Variants in CLUH observed in about 807,000 individuals in gnomAD.
CLUH encodes CLUH binding protein of NUMT mRNA.
A neutral mutation model predicts 139.3 loss-of-function variants in CLUH; 77 were observed. The ratio of observed to expected loss-of-function variants is 0.55; its 90% CI spans 0.46 to 0.67. CLUH has a LOEUF of 0.67. CLUH is among the 30% of genes least tolerant of loss of function. The pLI is 0.00. For synonymous variants in CLUH, 999 were observed against 801.6 expected, an observed-to-expected ratio of 1.25 and a Z score of -4.16; for missense variants, 1,876 against 1,875.8, an observed-to-expected ratio of 1.00 and a Z score of 0.00.
At chr17:2,701,111 G>A in intron 7 of CLUH, 29 bp downstream of exon 7, 1 of 1,613,472 alleles carries the variant, frequency 6.2e-7, no homozygotes, top group Non-Finnish European at 8.5e-7. Context: ...TGTGCCATGA[G>A]ACAAGGCGGG....
In CLUH at chr17:2,698,369, C is replaced by T. The variant is rs199687141; in HGVS notation, c.1488G>A (p.Thr496=). 1,867 of 1,613,192 alleles carry T rather than the reference C, an allele frequency of 1.2e-3. 2 individuals are homozygous for T. The highest frequency in any genetic ancestry group is 1.5e-3 in the Non-Finnish European group (1,771 of 1,179,734). ...GCCCCTCCACGTCCACCGCGTTGTA[C>T]GTGCGGACGCCATTCAGGTCGTTGG... The part of the protein sequence containing the change: ...APTNDLNGVR[T]YNAVDVEGLY... The change falls in exon 10 of 26, where the codon ACG becomes ACA. Residue 496 remains threonine, a synonymous_variant. Coordinates refer to ENST00000651024, the MANE Select transcript of CLUH (RefSeq NM_001366661.1).
chr17:2,710,261 GC>G (rs1200252495), intron 1 of CLUH, among the ~76,000 whole-genome samples: 2 of 152,240 alleles, frequency 1.3e-5, no homozygotes, highest in Non-Finnish European at 2.9e-5. Flanking sequence ...CTGATTCAGA[GC>G]CACATCAGCA....
At chr17:2,694,457 G>T in intron 17 of CLUH, 23 bp downstream of exon 17, 1 of 1,124,928 alleles carries the variant, frequency 8.9e-7, no homozygotes, top group Non-Finnish European at 1.3e-6. Flanking sequence ...GGACACAGCG[G>T]GGATGCTGTG....
chr17:2,691,532 G>A (rs2069632582), intron 25 of CLUH, 77 bp downstream of exon 25: 63 of 1,454,138 alleles, frequency 4.3e-5, no homozygotes, highest in Non-Finnish European at 6.0e-5. Flanking sequence ...CCGCACTCCA[G>A]CCCGGGTGAC....
At chr17:2,702,679 C>T (rs2070226792) in intron 3 of CLUH, among the ~76,000 whole-genome samples, 1 of 152,198 alleles carries the variant, frequency 6.6e-6, no homozygotes. Context: ...CCGGATGGCA[C>T]CTCCCCGTGC....
chr17:2,696,601 C>T, intron 11 of CLUH, 63 bp from the exon 12 acceptor site: 1 of 1,530,628 alleles, frequency 6.5e-7, no homozygotes, highest in Admixed American at 1.9e-5. Context: ...TGGGCTGCGC[C>T]AAGCCTCGCC....
upstream of CLUH, chr17:2,711,831 GC>G: frequency 6.0e-6 from 1 of 166,194 alleles, no homozygotes; most frequent in Non-Finnish European, 1.2e-5. Flanking sequence ...CTCGCGCCCG[GC>G]CCAGCCCACG....
chr17:2,692,920 C>A, intron 19 of CLUH, 60 bp from the exon 20 acceptor site: 1 of 1,482,244 alleles, frequency 6.7e-7, no homozygotes, highest in Non-Finnish European at 9.0e-7. Flanking sequence ...CCAGAGCCCG[C>A]CTGGCCCCGG....
chr17:2,690,339 C>T lies in CLUH; in HGVS notation c.*255G>A, dbSNP rs1237661005. 2.4e-6 allele frequency: 1 copy of T among 412,404 alleles called. No individual in the cohort carries two copies. Among genetic ancestry groups the T allele is most frequent in the Admixed American group, 4.4e-5 (1 of 22,546 alleles). The allele number at this position is 412,404 out of a possible 1,614,324, so 25.5% of individuals were successfully genotyped here. ...GCCGAAGCAACACCTGCCCCCCAGC[C>T]GGGAACTGATGGCCGCACACGCCAT... On this transcript the variant is annotated 3_prime_UTR_variant, in exon 26 of 26. Coordinates refer to ENST00000651024, the MANE Select transcript of CLUH (RefSeq NM_001366661.1).
At chr17:2,691,956 G>GCCCCCGCCCCGCCCCGCCCCCGC (rs762374288) in intron 23 of CLUH, 48 bp downstream of exon 23, 1 of 434,090 alleles carries the variant, frequency 2.3e-6, no homozygotes, top group Non-Finnish European at 3.1e-6. Flanking sequence ...CCCCCGCCCC[G>GCCCCCGCCCCGCCCCGCCCCCGC]CCACGCCCCC....
intron 1 of CLUH, among the ~76,000 whole-genome samples, chr17:2,708,462 C>T (rs1267801978): frequency 6.6e-6 from 1 of 152,092 alleles, no homozygotes; most frequent in African/African-American, 2.4e-5. Flanking sequence ...GCCCAGCCCA[C>T]GGCAGCTCCC....
At chr17:2,691,966 C>CCGT (rs1555529473) in intron 23 of CLUH, 38 bp downstream of exon 23, 1 of 675,258 alleles carries the variant, frequency 1.5e-6, no homozygotes. Context: ...GCCACGCCCC[C>CCGT]GCCCCGCCCC....
In CLUH at chr17:2,696,414, G is replaced by A. The variant is rs777149933; in HGVS notation, c.2290+20C>T. The A allele has an allele frequency of 1.9e-5, 30 of 1,563,986 alleles. No homozygotes were observed. Among genetic ancestry groups the A allele is most frequent in the Non-Finnish European group, 2.3e-5 (26 of 1,154,920 alleles). On this transcript the variant is annotated intron_variant, in intron 12 of 25. Transcript: ENST00000651024. ...TCTGGCCCTGGAGGGCTCCTGCGCT[G>A]GCCGGCCCCCACCACCTGCCTGGTG... is the stretch of plus-strand genomic sequence containing the variant.
rs5818873 is a variant in CLUH, at chr17:2,691,921, GCCC to G, written c.3655-29_3655-27del. ...CTGCGGGGAGGCGGGAAGGGATCAG[GCCC>G]CCCCGTGCCCCCGCGGCCCCGCCCC... is the stretch of plus-strand genomic sequence containing the variant. On this transcript the variant is annotated intron_variant, in intron 23 of 25. Transcript: ENST00000651024. 4.1e-4 allele frequency: 588 copies of G among 1,437,572 alleles called. 19 individuals carry two copies. The South Asian group carries it at 5.9e-3, about 15-fold the overall frequency. The allele number at this position is 1,437,572 out of a possible 1,614,324, so 89.1% of individuals were successfully genotyped here. A position where few individuals can be genotyped will look rare whatever the true frequency, so the allele number is the denominator to read the frequency against.
At chr17:2,694,417 TGCAGCAGGGAC>T (rs1466468421) in intron 17 of CLUH, 52 bp downstream of exon 17, 299,245 of 1,479,120 alleles carry the variant, frequency 0.2, 32,336 homozygotes, top group Middle Eastern at 0.23. Flanking sequence ...AGTGGGAGCC[TGCAGCAGGGAC>T]GCAGCGGGGA....
Position 2,707,954 on chromosome 17 carries a change from C to T in CLUH, c.101-3390G>A. On this transcript the variant is annotated intron_variant, in intron 1 of 25. Coordinates refer to ENST00000651024, the MANE Select transcript of CLUH (RefSeq NM_001366661.1). This position sits in a 1 kb window ranked among gnomAD's most constrained non-coding sequence, Gnocchi z 7.4. ...ACCCGTGCCCCTGGCCTCCAGGCTC[C>T]ATCAAGAAGCTGGCAGGCTCCATCT... is the stretch of plus-strand genomic sequence containing the variant. 1 of 985,432 alleles carries T rather than the reference C, an allele frequency of 1.0e-6. No homozygotes were observed. Among genetic ancestry groups the T allele is most frequent in the Non-Finnish European group, 1.2e-6 (1 of 829,926 alleles). The allele number at this position is 985,432 out of a possible 1,614,324, so 61.0% of individuals were successfully genotyped here.
rs2069577424 is a variant in CLUH at position 2,690,467 on chromosome 17, TG to T, written c.*126del. The T allele has an allele frequency of 1.3e-6, 1 of 790,266 alleles. No homozygotes were observed. Among genetic ancestry groups the T allele is most frequent in the Non-Finnish European group, 1.8e-6 (1 of 556,066 alleles). 49.0% of individuals were successfully genotyped at this position (790,266 alleles called of 1,614,324 possible). The stretch of plus-strand genomic sequence containing the variant: ...CCAGGCTCCCAGGAGGACACGGGGG[TG>T]GGGTGGGGTGAGACGTGGAGGAAGA... On this transcript the variant is annotated 3_prime_UTR_variant, in exon 26 of 26. Transcript: ENST00000651024.
chr17:2,695,086 C>G lies in CLUH; in HGVS notation c.2623G>C (p.Gly875Arg). 1.9e-6 allele frequency: 3 copies of G among 1,611,986 alleles called. No homozygotes were observed. Among genetic ancestry groups the G allele is most frequent in the Non-Finnish European group, 1.7e-6 (2 of 1,179,024 alleles). The change falls in exon 16 of 26, where the codon GGC (glycine) becomes CGC (arginine). Residue 875 changes from glycine to arginine, a missense_variant. By Grantham distance (125) the Gly-to-Arg change is moderately radical (BLOSUM62 -2). This residue lies in a region of CLUH where 1,454 missense variants were observed against 1,384.4 expected (regional missense o/e 1.05). Transcript: ENST00000651024. The stretch of plus-strand genomic sequence containing the variant: ...AAGTGGCTGATGGCGGCTGAGAGGC[C>G]GGAGAGCTCGACTCCCTGCGAGGCA... ...KTYLQGVELS[G>R]LSAAISHFLN...
In CLUH at chr17:2,704,032, G is replaced by A. The variant is rs1465240410; in HGVS notation, c.303+330C>T. Among the ~76,000 whole-genome samples, 10 of 152,132 alleles carry A rather than the reference G, an allele frequency of 6.6e-5. 1 individual carries two copies. The South Asian group carries it at 1.4e-3, about 22-fold the overall frequency. On this transcript the variant is annotated intron_variant, in intron 2 of 25. Coordinates refer to ENST00000651024, the MANE Select transcript of CLUH (RefSeq NM_001366661.1). The surrounding 1 kb of genome is among the most constrained non-coding windows in gnomAD (Gnocchi z 5.7). ...CCCCTCTGGCAGATGGTAAAATCACGGCCCAGAGAGAGGTGACTTGCCTGA... is the reference window on the plus strand; with the variant it reads ...CCCCTCTGGCAGATGGTAAAATCACAGCCCAGAGAGAGGTGACTTGCCTGA...
Sources: gnomAD v4.1 joint callset for allele counts (sites outside exome capture counted in the v4.1 genomes callset) on GRCh38, gnomAD v4.1.1 for gene constraint, gnomAD v4.1.1 regional missense constraint, Gnocchi (gnomAD v3.1) non-coding constraint, MANE v1.5 for transcripts, NCBI Gene and HGNC (gene_info 2026-07-23, HGNC 2026-07-21) for gene names.